HNRNPLL: variants seen among roughly 807,000 people sequenced by gnomAD.
HNRNPLL encodes the protein heterogeneous nuclear ribonucleoprotein L-like.
A neutral mutation model predicts 67.1 loss-of-function variants in HNRNPLL; 25 were observed. That is an observed-to-expected ratio of 0.37 (90% CI 0.27 to 0.52). HNRNPLL has a LOEUF of 0.52. Ranked by LOEUF, HNRNPLL falls within the 20% of genes least tolerant of loss-of-function variation. HNRNPLL has a pLI of 0.90. For synonymous variants in HNRNPLL, 267 were observed against 241.7 expected (o/e 1.10, Z -0.97); for missense variants, 542 against 673.9 (o/e 0.80, Z 2.17).
Position 38,573,269 on chromosome 2 carries a change from G to C in HNRNPLL, c.1033C>G (p.Leu345Val). The change falls in exon 8 of 13, where the codon CTA (leucine) becomes GTA (valine). Residue 345 changes from leucine (L) to valine (V), a missense_variant. Transcript: ENST00000449105. The part of the protein sequence containing the change: ...SVVMVSGLHQ[L>V]KMNCSRVFNL... ...AAGACTCTTGAACAATTCATTTTTA[G>C]TTGATGTAATCCACTAACCATTACA... 1 of 1,610,672 alleles carries C rather than the reference G, an allele frequency of 6.2e-7. No individual in the cohort carries two copies. The highest frequency in any genetic ancestry group is 1.1e-5 in the South Asian group (1 of 90,718).
In HNRNPLL at chr2:38,602,665, G is replaced by C. The variant is rs770228275; in HGVS notation, c.-39C>G. The C allele has an allele frequency of 6.9e-7, 1 of 1,457,658 alleles. No homozygotes were observed. The highest frequency in any genetic ancestry group is 9.0e-7 in the Non-Finnish European group (1 of 1,110,120). 90.3% of individuals were successfully genotyped at this position (1,457,658 alleles called of 1,614,324 possible). On this transcript the variant is annotated 5_prime_UTR_variant, in exon 1 of 13. Transcript: ENST00000449105. ...GGGACCGGCTGGCAGGCGGGTGGGG[G>C]TGGCGGTGGGGCGCGCGCCTCGGAT...
chr2:38,591,374 C>G (rs142501291), intron 2 of HNRNPLL, among the ~76,000 whole-genome samples, 156 bp downstream of exon 2: 1 of 152,144 alleles, frequency 6.6e-6, no homozygotes, highest in East Asian at 1.9e-4. Context: ...AGGCTTAAAA[C>G]GTTCCAAAGA....
chr2:38,564,041 G>A lies in HNRNPLL; in HGVS notation c.*141C>T, dbSNP rs1665752121. 1 of 629,196 alleles carries A rather than the reference G, an allele frequency of 1.6e-6. No homozygotes were observed. The highest frequency in any genetic ancestry group is 1.9e-5 in the African/African-American group (1 of 53,280). The allele number at this position is 629,196 out of a possible 1,614,324, so 39.0% of individuals were successfully genotyped here. On this transcript the variant is annotated 3_prime_UTR_variant, in exon 13 of 13. Coordinates refer to ENST00000449105, the MANE Select transcript of HNRNPLL (RefSeq NM_138394.4). Reference sequence around the variant, plus strand: ...TTAAGCTTACAACAAATTTACTCAAGGCAAAATATGTTTATTACAGAACAG... The same window carrying A: ...TTAAGCTTACAACAAATTTACTCAAAGCAAAATATGTTTATTACAGAACAG...
chr2:38,570,218 C>T (rs1040609632), intron 8 of HNRNPLL, among the ~76,000 whole-genome samples: 3 of 152,096 alleles, frequency 2.0e-5, no homozygotes, highest in Admixed American at 6.6e-5. Flanking sequence ...CATGGATTGT[C>T]GCTGAAAATA....
In HNRNPLL at chr2:38,583,913, G is replaced by C; in HGVS notation, c.560C>G (p.Thr187Ser). 1 of 1,493,934 alleles carries C rather than the reference G, an allele frequency of 6.7e-7. No homozygotes were observed. Among genetic ancestry groups the C allele is most frequent in the Non-Finnish European group, 9.2e-7 (1 of 1,091,428 alleles). 92.5% of individuals were successfully genotyped at this position (1,493,934 alleles called of 1,614,324 possible). ...CACTTTGCCAACAGGGTTGCATACAGTATATAAAACATCCTATGAAGGAAA... is the reference window on the plus strand; with the variant it reads ...CACTTTGCCAACAGGGTTGCATACACTATATAAAACATCCTATGAAGGAAA... The part of the protein sequence containing the change: ...LYPITVDVLY[T>S]VCNPVGKVQR... Residue 187 changes from threonine (T) to serine (S), a missense_variant, in exon 4 of 13, where the codon ACT becomes AGT. By Grantham distance (58) the Thr-to-Ser change is moderately conservative. Transcript: ENST00000449105.
chr2:38,592,885 A>G (rs1266823288), intron 1 of HNRNPLL, among the ~76,000 whole-genome samples: 1 of 152,206 alleles, frequency 6.6e-6, no homozygotes, highest in Admixed American at 6.5e-5. Context: ...AAAATTTAAC[A>G]ATTGTTTTAA....
Position 38,578,490 on chromosome 2 carries a change from G to C in HNRNPLL, c.803-958C>G, listed in dbSNP as rs1373967048. 5.9e-5 allele frequency among the ~76,000 whole-genome samples: 9 copies of C among 152,030 alleles called. No homozygotes were observed. The South Asian group carries it at 1.9e-3, about 32-fold the overall frequency. ...TCATTCTAATCCTTGAAAATTCAGA[G>C]AGCCTTTACCTATATCCTTAGTCAC... On this transcript the variant is annotated intron_variant, in intron 6 of 12. Transcript: ENST00000449105.
intron 1 of HNRNPLL, among the ~76,000 whole-genome samples, chr2:38,600,662 G>C (rs975919496): frequency 1.3e-5 from 2 of 151,582 alleles, no homozygotes; most frequent in Non-Finnish European, 2.9e-5. Flanking sequence ...GAGACAGGGA[G>C]ATCAAGGCTG....
At chr2:38,594,332 A>G (rs2148382498) in intron 1 of HNRNPLL, among the ~76,000 whole-genome samples, 1 of 152,376 alleles carries the variant, frequency 6.6e-6, no homozygotes, top group South Asian at 2.1e-4. Flanking sequence ...AGAATTAATT[A>G]TCACTGTCTT....
chr2:38,579,056 T>C (rs962944971), intron 6 of HNRNPLL, among the ~76,000 whole-genome samples: 1 of 152,060 alleles, frequency 6.6e-6, no homozygotes, highest in African/African-American at 2.4e-5. Flanking sequence ...AAACACTAAA[T>C]ACAAATCCTT....
chr2:38,572,596 C>T (rs1171537393), intron 8 of HNRNPLL, among the ~76,000 whole-genome samples: 1 of 152,112 alleles, frequency 6.6e-6, no homozygotes, highest in South Asian at 2.1e-4. Context: ...AATAAAACCT[C>T]GCAGATTTGG....
intron 1 of HNRNPLL, among the ~76,000 whole-genome samples, chr2:38,594,399 C>T (rs760539700): frequency 2.0e-5 from 3 of 151,428 alleles, no homozygotes; most frequent in Admixed American, 6.6e-5. Context: ...AGGAACATTG[C>T]GATATTTAGG....
chr2:38,565,966 T>C (rs1558527523), intron 12 of HNRNPLL: 5 of 874,008 alleles, frequency 5.7e-6, no homozygotes, highest in South Asian at 5.3e-5. Context: ...AAATCATTCA[T>C]TGTTTTTTTT....
chr2:38,565,253 G>C (rs999109292), intron 12 of HNRNPLL, among the ~76,000 whole-genome samples: 1 of 152,198 alleles, frequency 6.6e-6, no homozygotes, highest in African/African-American at 2.4e-5. Flanking sequence ...CACTGCAGAG[G>C]ATAAAAACAT....
intron 12 of HNRNPLL, among the ~76,000 whole-genome samples, chr2:38,567,396 G>A (rs574212748): frequency 2.0e-5 from 3 of 152,192 alleles, no homozygotes; most frequent in Admixed American, 6.5e-5. Flanking sequence ...GATTACAGGC[G>A]TGAGTCACAG....
In HNRNPLL at chr2:38,573,328, G is replaced by A. The variant is rs755316109; in HGVS notation, c.974C>T (p.Ser325Phe). 2.5e-6 allele frequency: 4 copies of A among 1,612,496 alleles called. No individual in the cohort carries two copies. In the South Asian group the frequency reaches 3.3e-5, roughly 13 times the overall value. The part of the protein sequence containing the change: ...VAYPLPQASS[S>F]YMHGGNPSGS... ...AGAGGGATTTCCTCCATGCATGTAA[G>A]AGGAAGAAGCCTGTGGTAATGGATA... Residue 325 changes from serine to phenylalanine, a missense_variant, in exon 8 of 13, where the codon TCT becomes TTT. Ser to Phe is a radical substitution (Grantham distance 155, BLOSUM62 -2). Around this residue, in one of 2 missense-constraint regions of HNRNPLL, gnomAD observed 415 missense variants for 575.2 expected, o/e 0.72. Coordinates refer to ENST00000449105, the MANE Select transcript of HNRNPLL (RefSeq NM_138394.4).
intron 8 of HNRNPLL, 119 bp from the exon 9 acceptor site, chr2:38,570,044 A>G: frequency 1.5e-6 from 1 of 684,570 alleles, no homozygotes; most frequent in Non-Finnish European, 2.5e-6. Flanking sequence ...CCTGGATTTT[A>G]ACTATACTCT....
chr2:38,577,387 T>C, intron 7 of HNRNPLL, 74 bp downstream of exon 7: 3 of 918,862 alleles, frequency 3.3e-6, no homozygotes, highest in Middle Eastern at 4.3e-4. Context: ...ACAAGAAATG[T>C]GCCATACTTC....
intron 8 of HNRNPLL, among the ~76,000 whole-genome samples, chr2:38,571,023 C>T (rs766642090): frequency 3.9e-5 from 6 of 151,946 alleles, no homozygotes; most frequent in South Asian, 2.1e-4. Context: ...CCAGCCTCGG[C>T]GATAGAACAA....
Sources: allele counts gnomAD v4.1 joint callset (sites outside exome capture counted in the v4.1 genomes callset), GRCh38; gene constraint gnomAD v4.1.1; regional missense constraint gnomAD v4.1.1; transcripts MANE v1.5; gene names NCBI Gene and HGNC (gene_info 2026-07-23, HGNC 2026-07-21).